KCNC4: variants seen among roughly 807,000 people sequenced by gnomAD.
KCNC4 encodes voltage-gated potassium channel KCNC4.
KCNC4 carries 23 observed loss-of-function variants against 42.8 expected under a neutral mutation model. That is an observed-to-expected ratio of 0.54 (90% CI 0.39 to 0.76). The LOEUF is 0.76. Ranked by LOEUF, KCNC4 falls within the 30% of genes least tolerant of loss-of-function variation. The pLI, the probability that KCNC4 is intolerant of heterozygous loss-of-function variation, is 0.00. For missense variants in KCNC4, 751 were observed against 898.2 expected (o/e 0.84, Z 2.10); for synonymous variants, 422 against 393.5 (o/e 1.07, Z -0.86).
At chr1:110,216,449 A>G (rs920430151) in intron 1 of KCNC4, among the ~76,000 whole-genome samples, 5 of 152,156 alleles carry the variant, frequency 3.3e-5, no homozygotes, top group African/African-American at 1.2e-4. Flanking sequence ...GCATCCTCCC[A>G]GTTTCCTCTT....
chr1:110,239,600 G>C (rs1280345015), exon 4 of KCNC4: 1 of 152,198 alleles, frequency 6.6e-6, no homozygotes, highest in Non-Finnish European at 1.5e-5. Flanking sequence ...GAATGGGCTG[G>C]AGATAGGCCT....
chr1:110,255,967 A>G (rs533122876), intron 1 of KCNC4, among the ~76,000 whole-genome samples: 1 of 152,276 alleles, frequency 6.6e-6, no homozygotes, highest in South Asian at 2.1e-4. Flanking sequence ...CTGCTCAGGG[A>G]GGAAGGTGGC....
At chr1:110,241,236 C>T (rs1202536340) in exon 4 of KCNC4, 1 of 152,226 alleles carries the variant, frequency 6.6e-6, no homozygotes, top group Non-Finnish European at 1.5e-5. Flanking sequence ...AACTACTGTC[C>T]CCTTACATAC....
intron 3 of KCNC4, chr1:110,232,576 G>T: frequency 7.0e-7 from 1 of 1,435,310 alleles, no homozygotes; most frequent in Non-Finnish European, 9.1e-7. Flanking sequence ...GTGGTTCCTG[G>T]AGCTAGTGGT....
intron 3 of KCNC4, among the ~76,000 whole-genome samples, chr1:110,229,410 C>T (rs1394777078): frequency 2.0e-5 from 3 of 152,144 alleles, no homozygotes; most frequent in African/African-American, 7.2e-5. Flanking sequence ...CTCAGGAAGC[C>T]TCTGCCCAGA....
intron 1 of KCNC4, among the ~76,000 whole-genome samples, chr1:110,264,786 G>T (rs1167866204): frequency 6.6e-6 from 1 of 152,172 alleles, no homozygotes; most frequent in Admixed American, 6.5e-5. Context: ...GGGGGAGAAA[G>T]AAGGGAGAGA....
rs926699641 is a variant in KCNC4, at chr1:110,211,520, C to T, written c.21C>T (p.Val7=). 6 of 1,613,738 alleles carry T rather than the reference C, an allele frequency of 3.7e-6. No individual in the cohort carries two copies. In the African/African-American group the frequency reaches 8.0e-5, roughly 22 times the overall value. The change falls in exon 1 of 4, where the codon GTC becomes GTT. Residue 7 remains valine (V), a synonymous_variant. Coordinates refer to ENST00000438661, the MANE Select transcript of KCNC4 (RefSeq NM_001039574.3). The surrounding 1 kb of genome is among the most constrained non-coding windows in gnomAD (Gnocchi z 6.5). The stretch of plus-strand genomic sequence containing the variant: ...TTCTTATGATCAGCTCGGTGTGTGT[C>T]TCCTCCTACCGCGGGCGCAAGTCGG... MISSVC[V]SSYRGRKSGN...
chr1:110,218,178 C>A (rs1374277745), intron 1 of KCNC4, among the ~76,000 whole-genome samples: 1 of 152,208 alleles, frequency 6.6e-6, no homozygotes, highest in Non-Finnish European at 1.5e-5. Flanking sequence ...TCTGTCACCT[C>A]TCCCCTCGAC....
At chr1:110,217,818 C>G (rs1353338263) in intron 1 of KCNC4, among the ~76,000 whole-genome samples, 1 of 152,156 alleles carries the variant, frequency 6.6e-6, no homozygotes, top group African/African-American at 2.4e-5. Context: ...AGTGCGGGCC[C>G]TCAACCAGGA....
At chr1:110,268,247 G>A (rs1659576894) in intron 1 of KCNC4, among the ~76,000 whole-genome samples, 2 of 152,296 alleles carry the variant, frequency 1.3e-5, no homozygotes, top group South Asian at 4.1e-4. Flanking sequence ...ACACCCCTGT[G>A]ATCTTATCCC....
At chr1:110,263,628 T>C (rs1387683161) in intron 1 of KCNC4, among the ~76,000 whole-genome samples, 1 of 152,128 alleles carries the variant, frequency 6.6e-6, no homozygotes, top group African/African-American at 2.4e-5. Context: ...AAAGTGGCCC[T>C]TACATAAAGG....
intron 1 of KCNC4, among the ~76,000 whole-genome samples, chr1:110,266,148 G>C (rs1337983689): frequency 6.6e-6 from 1 of 152,202 alleles, no homozygotes; most frequent in Non-Finnish European, 1.5e-5. Context: ...TGGAAATAGG[G>C]GGAGAAATAA....
chr1:110,251,124 A>G (rs535889219), downstream of KCNC4, among the ~76,000 whole-genome samples: 1 of 152,250 alleles, frequency 6.6e-6, no homozygotes, highest in South Asian at 2.1e-4. Context: ...AGGAGTCCCT[A>G]TAGGACCTCC....
chr1:110,228,680 C>T (rs2101032396), intron 3 of KCNC4: 1 of 152,892 alleles, frequency 6.5e-6, no homozygotes, highest in African/African-American at 2.4e-5. Flanking sequence ...GGCCCACCCC[C>T]TGGTCACTCT....
downstream of KCNC4, among the ~76,000 whole-genome samples, chr1:110,250,305 T>C (rs912234819): frequency 6.6e-6 from 1 of 152,162 alleles, no homozygotes; most frequent in South Asian, 2.1e-4. Context: ...GGCTGCCATC[T>C]GGTAGGCCAC....
At chr1:110,278,263 A>T (rs72694476) in intron 1 of KCNC4, among the ~76,000 whole-genome samples, 3,511 of 152,286 alleles carry the variant, frequency 0.023, 66 homozygotes, top group Non-Finnish European at 0.033. Flanking sequence ...CCTTGGGCAG[A>T]TCACCTTTCT....
At chr1:110,247,556 T>TTTTCC (rs1553215981) in exon 4 of KCNC4, 1 of 98,258 alleles carries the variant, frequency 1.0e-5, no homozygotes, top group Non-Finnish European at 2.1e-5. Context: ...TTCTTTTTTC[T>TTTTCC]TTTTTTTTTT....
downstream of KCNC4, chr1:110,236,503 A>G (rs1010061557): frequency 6.6e-6 from 1 of 152,186 alleles, no homozygotes; most frequent in African/African-American, 2.4e-5. Flanking sequence ...CCTTTTACAG[A>G]TAAGAAACCA....
At chr1:110,225,335 T>C (rs1026544720) in intron 2 of KCNC4, 2 of 152,334 alleles carry the variant, frequency 1.3e-5, no homozygotes, top group Non-Finnish European at 2.9e-5. Context: ...CCTGTGCTAC[T>C]GCCTGACAGA....
Sources: allele counts gnomAD v4.1 joint callset (sites outside exome capture counted in the v4.1 genomes callset), GRCh38; gene constraint gnomAD v4.1.1; non-coding constraint Gnocchi (gnomAD v3.1); transcripts MANE v1.5; gene names NCBI Gene and HGNC (gene_info 2026-07-23, HGNC 2026-07-21).